The following KBTBD12 variants were observed in gnomAD, a reference collection of about 807,000 sequenced individuals.
The protein encoded by KBTBD12 is kelch repeat and BTB domain containing 12.
In KBTBD12, 53 loss-of-function variants were observed where a neutral mutation model predicts 58.7. The ratio of observed to expected loss-of-function variants is 0.90; its 90% CI spans 0.72 to 1.14. The LOEUF (loss-of-function observed/expected upper bound fraction) is 1.14, where lower values mean the gene tolerates loss of function less well. Ranked by LOEUF, KBTBD12 falls within the 50% of genes most tolerant of loss-of-function variation. The pLI is 0.00. For synonymous variants in KBTBD12, 236 were observed against 259.8 expected (o/e 0.91, Z 0.88); for missense variants, 704 against 751.3 (o/e 0.94, Z 0.74).
chr3:127,924,586 A>G (rs1939520128), intron 2 of KBTBD12, among the ~76,000 whole-genome samples: 1 of 152,006 alleles, frequency 6.6e-6, no homozygotes, highest in African/African-American at 2.4e-5. Flanking sequence ...AGATCTTAAT[A>G]TAACAAGAAG....
chr3:127,938,187 T>C (rs1939865153), intron 4 of KBTBD12, among the ~76,000 whole-genome samples: 1 of 152,194 alleles, frequency 6.6e-6, no homozygotes, highest in African/African-American at 2.4e-5. Context: ...ACTATTTTAA[T>C]ATCAGTTACA....
At chr3:127,947,061 T>G (rs1208631585) in intron 4 of KBTBD12, among the ~76,000 whole-genome samples, 1 of 152,234 alleles carries the variant, frequency 6.6e-6, no homozygotes, top group Non-Finnish European at 1.5e-5. Flanking sequence ...TTCTTTATCT[T>G]ATTATTAATC....
chr3:127,949,229 G>A (rs1376178545), intron 4 of KBTBD12, among the ~76,000 whole-genome samples: 1 of 152,200 alleles, frequency 6.6e-6, no homozygotes, highest in Non-Finnish European at 1.5e-5. Flanking sequence ...GCCCAACAGA[G>A]CAGCACAAGG....
intron 4 of KBTBD12, among the ~76,000 whole-genome samples, chr3:127,957,747 G>A (rs994445396): frequency 4.6e-5 from 7 of 152,118 alleles, no homozygotes; most frequent in Non-Finnish European, 7.3e-5. Flanking sequence ...TTCACTGTCC[G>A]TACCCAGTGT....
rs981511862 is a variant in KBTBD12, at chr3:127,923,969, C to G, written c.908C>G (p.Pro303Arg). ...SYGDASFCYD[P>R]VSRKTYFISS... ...GGGGATGCCAGTTTTTGTTATGATC[C>G]TGTATCACGGAAAACCTATTTCATC... is the stretch of plus-strand genomic sequence containing the variant. The change falls in exon 2 of 6, where the codon CCT (proline) becomes CGT (arginine). Residue 303 changes from proline (P) to arginine (R), a missense_variant. Transcript: ENST00000405109. The G allele has an allele frequency of 6.2e-7, 1 of 1,613,872 alleles. No individual in the cohort carries two copies. Among genetic ancestry groups the G allele is most frequent in the Admixed American group, 1.7e-5 (1 of 60,006 alleles).
intron 5 of KBTBD12, among the ~76,000 whole-genome samples, chr3:127,970,990 C>T (rs1365963013): frequency 1.3e-5 from 2 of 152,128 alleles, no homozygotes; most frequent in African/African-American, 4.8e-5. Context: ...GTCAGAACTC[C>T]TTCTCTTATA....
intron 2 of KBTBD12, among the ~76,000 whole-genome samples, chr3:127,927,097 C>T (rs1939590252): frequency 1.3e-5 from 2 of 152,060 alleles, no homozygotes; most frequent in Admixed American, 1.3e-4. Context: ...ATACTAATGT[C>T]CCTAGTTCTT....
chr3:127,967,563 G>C (rs1386487318), intron 5 of KBTBD12, among the ~76,000 whole-genome samples: 2 of 152,154 alleles, frequency 1.3e-5, no homozygotes, highest in African/African-American at 4.8e-5. Flanking sequence ...CAAAGCAAGA[G>C]GCAGAAGTAA....
chr3:127,983,632 A>G (rs1025578037), intron 5 of KBTBD12, among the ~76,000 whole-genome samples: 1 of 152,136 alleles, frequency 6.6e-6, no homozygotes, highest in African/African-American at 2.4e-5. Flanking sequence ...ATGTGCCTGT[A>G]ATCCCAGCTA....
intron 5 of KBTBD12, among the ~76,000 whole-genome samples, chr3:127,980,450 C>G (rs1940854296): frequency 6.6e-6 from 1 of 152,212 alleles, no homozygotes; most frequent in South Asian, 2.1e-4. Context: ...CTGCCTCAGC[C>G]TCCCAAGTAG....
At position 127,980,170 on chromosome 3, in the gene KBTBD12, A is replaced by G. The variant is rs114684377; in HGVS notation, c.1691-3927A>G. Among the ~76,000 whole-genome samples, 1,435 of 152,348 alleles carry G rather than the reference A, an allele frequency of 9.4e-3. 18 individuals are homozygous for G. The highest frequency in any genetic ancestry group is 0.037 in the Middle Eastern group (11 of 294). On this transcript the variant is annotated intron_variant, in intron 5 of 5. Transcript: ENST00000405109. ...CATGAAAAAAAGGAACTAAGCATCCATTTCAAGAAGATAGAACAAGAGAAG... is the reference window on the plus strand; with the variant it reads ...CATGAAAAAAAGGAACTAAGCATCCGTTTCAAGAAGATAGAACAAGAGAAG...
At chr3:127,961,864 A>G (rs956025215) in intron 4 of KBTBD12, among the ~76,000 whole-genome samples, 3 of 152,266 alleles carry the variant, frequency 2.0e-5, no homozygotes, top group African/African-American at 4.8e-5. Flanking sequence ...GGCAAAGGGT[A>G]TAAAATGACA....
At chr3:127,930,371 C>A in intron 4 of KBTBD12, 88 bp downstream of exon 4, 1 of 1,152,628 alleles carries the variant, frequency 8.7e-7, no homozygotes, top group Non-Finnish European at 1.2e-6. Context: ...CTCCTTTGCA[C>A]TTGTATTCCA....
At chr3:127,983,402 T>TG (rs1240038059) in intron 5 of KBTBD12, among the ~76,000 whole-genome samples, 5 of 152,076 alleles carry the variant, frequency 3.3e-5, no homozygotes, top group African/African-American at 1.2e-4. Flanking sequence ...CACCCTCCCT[T>TG]GGGGGTGAAC....
rs1370842736 is a variant in KBTBD12, at chr3:127,945,705, G to C, written c.1492+15422G>C. On this transcript the variant is annotated intron_variant, in intron 4 of 5. Transcript: ENST00000405109. ...TTTTTTTTTTTTTTTTTGAGACAGA[G>C]TCTTGCTCTGTCACCCAGGCTAGAG... Among the ~76,000 whole-genome samples the C allele has an allele frequency of 1.3e-4, 19 of 142,242 alleles. No individual in the cohort carries two copies. In the Admixed American group the frequency reaches 1.4e-3, roughly 10 times the overall value. The allele number at this position is 142,242 out of a possible 152,430, so 93.3% of individuals were successfully genotyped here.
chr3:127,936,243 A>G (rs989379628), intron 4 of KBTBD12, among the ~76,000 whole-genome samples: 2 of 152,016 alleles, frequency 1.3e-5, no homozygotes, highest in African/African-American at 2.4e-5. Flanking sequence ...GCATATGCCT[A>G]TAGTCCCAGC....
At chr3:127,984,013 A>G (rs1940922239) in intron 5 of KBTBD12, 84 bp from the exon 6 acceptor site, 1 of 1,044,242 alleles carries the variant, frequency 9.6e-7, no homozygotes, top group Non-Finnish European at 1.4e-6. Context: ...TGCCTTTTGG[A>G]GGAAGTTACT....
chr3:127,921,880 T>C (rs1939418790), intron 1 of KBTBD12, among the ~76,000 whole-genome samples: 1 of 152,148 alleles, frequency 6.6e-6, no homozygotes, highest in Non-Finnish European at 1.5e-5. Flanking sequence ...ACTCTTCAGC[T>C]GGGTTTAAGC....
intron 1 of KBTBD12, among the ~76,000 whole-genome samples, chr3:127,920,418 A>G (rs1248703781): frequency 6.9e-6 from 1 of 144,080 alleles, no homozygotes; most frequent in East Asian, 2.0e-4. Context: ...GCTGTACTAT[A>G]TTCTCTAGTG....
Sources: gnomAD v4.1 joint callset for allele counts (sites outside exome capture counted in the v4.1 genomes callset) on GRCh38, gnomAD v4.1.1 for gene constraint, MANE v1.5 for transcripts, NCBI Gene and HGNC (gene_info 2026-07-23, HGNC 2026-07-21) for gene names.